The following TMEM236 variants were observed in gnomAD, a reference collection of about 807,000 sequenced individuals.
TMEM236 encodes the protein family with sequence similarity 23, member A.
Under a neutral mutation model 14.7 loss-of-function variants are expected in TMEM236, and 11 were observed. The ratio of observed to expected loss-of-function variants is 0.75; its 90% CI spans 0.47 to 1.24. TMEM236 has a LOEUF of 1.24. Among genes scored for constraint, TMEM236 ranks in the 50% most tolerant of loss-of-function variants. The probability of loss-of-function intolerance (pLI) is 0.00; values close to 1 mark genes in which losing one functional copy is unlikely to be tolerated. For missense variants in TMEM236, 464 were observed against 427.3 expected (o/e 1.09, Z -0.76); for synonymous variants, 182 against 168.6 (o/e 1.08, Z -0.62).
At chr10:17,760,956 G>C (rs1837352739) in intron 1 of TMEM236, among the ~76,000 whole-genome samples, 1 of 152,178 alleles carries the variant, frequency 6.6e-6, no homozygotes, top group South Asian at 2.1e-4. Flanking sequence ...TGGGAATTCT[G>C]GGAGCTACAA....
intron 1 of TMEM236, among the ~76,000 whole-genome samples, chr10:17,768,351 A>AT (rs1837509136): frequency 6.6e-6 from 1 of 152,172 alleles, no homozygotes; most frequent in Non-Finnish European, 1.5e-5. Flanking sequence ...AAGAATTTGG[A>AT]TTACTACATA....
chr10:17,782,519 C>T (rs1837769301), intron 3 of TMEM236, among the ~76,000 whole-genome samples: 1 of 152,122 alleles, frequency 6.6e-6, no homozygotes. Flanking sequence ...GTGGCATGAT[C>T]TCTGCTCACT....
intron 2 of TMEM236, 79 bp downstream of exon 2, chr10:17,771,460 G>A (rs1041742129): frequency 9.7e-5 from 135 of 1,394,890 alleles, no homozygotes; most frequent in Non-Finnish European, 1.2e-4. Context: ...ATAGAGCAGC[G>A]TGCTCAACAA....
At chr10:17,758,150 T>C (rs1258672366) in intron 1 of TMEM236, among the ~76,000 whole-genome samples, 1 of 152,192 alleles carries the variant, frequency 6.6e-6, no homozygotes, top group Non-Finnish European at 1.5e-5. Context: ...GGGTAATATA[T>C]AGGGTGTCAT....
rs1270838669 is a variant in TMEM236, at chr10:17,799,684, A to G, written c.*3180A>G. On this transcript the variant is annotated 3_prime_UTR_variant, in exon 4 of 4. Coordinates refer to ENST00000377495, the MANE Select transcript of TMEM236 (RefSeq NM_001098844.3). ...TGTCATCAAGGGATTCATTTATGATATTCCTAAATATGAAAATATTTTGTG... is the reference window on the plus strand; with the variant it reads ...TGTCATCAAGGGATTCATTTATGATGTTCCTAAATATGAAAATATTTTGTG... The G allele has an allele frequency of 3.9e-5, 6 of 152,746 alleles. No homozygotes were observed. In the East Asian group the frequency reaches 9.6e-4, roughly 25 times the overall value. 9.5% of individuals were successfully genotyped at this position (152,746 alleles called of 1,614,324 possible).
chr10:17,784,158 C>G (rs1364318083), intron 3 of TMEM236, among the ~76,000 whole-genome samples: 1 of 152,044 alleles, frequency 6.6e-6, no homozygotes, highest in Non-Finnish European at 1.5e-5. Flanking sequence ...TTTTTCACTA[C>G]AAGTAAAAAT....
At position 17,795,722 on chromosome 10, in the gene TMEM236, G is replaced by T. The variant is rs979859850; in HGVS notation, c.473-199G>T. ...TTGACAGGTGCAGCACGCCACCATGGCACACATTTGCCTATGTAACAAACC... is the reference window on the plus strand; with the variant it reads ...TTGACAGGTGCAGCACGCCACCATGTCACACATTTGCCTATGTAACAAACC... On this transcript the variant is annotated intron_variant, in intron 3 of 3. Transcript: ENST00000377495. 2.5e-3 allele frequency among the ~76,000 whole-genome samples: 376 copies of T among 152,226 alleles called. 1 individual carries two copies. The highest frequency in any genetic ancestry group is 8.7e-3 in the African/African-American group (360 of 41,530).
chr10:17,753,037 C>G (rs1046978304), intron 1 of TMEM236, among the ~76,000 whole-genome samples: 1 of 151,818 alleles, frequency 6.6e-6, no homozygotes, highest in African/African-American at 2.4e-5. Context: ...ATTATTTCAC[C>G]GGCATGCACC....
chr10:17,800,631 A>G lies in TMEM236; in HGVS notation c.*4127A>G, dbSNP rs1485169208. On this transcript the variant is annotated 3_prime_UTR_variant, in exon 4 of 4. Coordinates refer to ENST00000377495, the MANE Select transcript of TMEM236 (RefSeq NM_001098844.3). ...GTTCTGGGCACTATGCTGTTTGCCT[A>G]ATACATAATTGCCTTGTGCTGTGTA... 1 of 152,190 alleles carries G rather than the reference A, an allele frequency of 6.6e-6. No individual in the cohort carries two copies. Among genetic ancestry groups the G allele is most frequent in the Non-Finnish European group, 1.5e-5 (1 of 68,038 alleles). The allele number at this position is 152,190 out of a possible 1,614,324, so 9.4% of individuals were successfully genotyped here. A position where few individuals can be genotyped will look rare whatever the true frequency, so the allele number is the denominator to read the frequency against.
At chr10:17,780,327 A>C (rs2131756450) in intron 3 of TMEM236, among the ~76,000 whole-genome samples, 1 of 152,196 alleles carries the variant, frequency 6.6e-6, no homozygotes, top group African/African-American at 2.4e-5. Context: ...CTTAACCCCC[A>C]TCAAAACCAG....
intron 2 of TMEM236, among the ~76,000 whole-genome samples, chr10:17,772,391 T>C (rs1837587066): frequency 6.6e-6 from 1 of 152,208 alleles, no homozygotes; most frequent in African/African-American, 2.4e-5. Flanking sequence ...CAACAGGGAA[T>C]ATTTCAATCT....
intron 3 of TMEM236, among the ~76,000 whole-genome samples, chr10:17,792,837 A>C (rs1007343493): frequency 6.6e-6 from 1 of 152,226 alleles, no homozygotes; most frequent in Non-Finnish European, 1.5e-5. Context: ...ACTAACAACA[A>C]TGGGAAAAAG....
chr10:17,766,706 A>T (rs1006119434), intron 1 of TMEM236, among the ~76,000 whole-genome samples: 1 of 152,246 alleles, frequency 6.6e-6, no homozygotes, highest in Non-Finnish European at 1.5e-5. Context: ...GAAATGCGAC[A>T]ACAAAGTACC....
intron 3 of TMEM236, among the ~76,000 whole-genome samples, chr10:17,795,460 C>G (rs1401756803): frequency 2.0e-5 from 3 of 152,024 alleles, no homozygotes; most frequent in African/African-American, 4.8e-5. Context: ...AAGCGTATAG[C>G]TTAGAAACCA....
chr10:17,788,707 A>C (rs1476669290), intron 3 of TMEM236, among the ~76,000 whole-genome samples: 4 of 152,202 alleles, frequency 2.6e-5, no homozygotes, highest in African/African-American at 7.2e-5. Context: ...GAAATGATAC[A>C]TTTATTTATT....
In TMEM236 at chr10:17,796,225, C is replaced by T. The variant is rs1001234857; in HGVS notation, c.777C>T (p.Asn259=). Residue 259 remains asparagine, a synonymous_variant, in exon 4 of 4, where the codon AAC becomes AAT. Transcript: ENST00000377495. ...IEMVRVAGHP[N]VYKSSWLYPV... is the part of the protein sequence containing the mutation. ...TGGTGCGTGTGGCTGGTCACCCCAA[C>T]GTGTACAAGTCAAGCTGGCTATACC... The T allele has an allele frequency of 4.2e-5, 68 of 1,613,822 alleles. 1 individual carries two copies. In the South Asian group the frequency reaches 5.7e-4, roughly 14 times the overall value.
chr10:17,777,354 C>G (rs1554835206), intron 3 of TMEM236, among the ~76,000 whole-genome samples: 1 of 152,174 alleles, frequency 6.6e-6, no homozygotes, highest in East Asian at 1.9e-4. Context: ...GTCACATCTG[C>G]CCTCCAGAGT....
At chr10:17,764,310 C>T (rs1422178490) in intron 1 of TMEM236, among the ~76,000 whole-genome samples, 8 of 152,034 alleles carry the variant, frequency 5.3e-5, no homozygotes, top group Non-Finnish European at 1.2e-4. Context: ...CTAGGAGGGT[C>T]CCTCTCATTG....
In TMEM236 at chr10:17,796,665, T is replaced by C. The variant is rs1838020772; in HGVS notation, c.*161T>C. On this transcript the variant is annotated 3_prime_UTR_variant, in exon 4 of 4. Transcript: ENST00000377495. ...ACTCTAGCATATCAGTTTTTTTTTT[T>C]ACATATACAAATGGTGCTAAATTTA... is the stretch of plus-strand genomic sequence containing the variant. The C allele has an allele frequency of 1.6e-6, 1 of 642,088 alleles. No homozygotes were observed. The highest frequency in any genetic ancestry group is 2.7e-5 in the East Asian group (1 of 36,614). The allele number at this position is 642,088 out of a possible 1,614,324, so 39.8% of individuals were successfully genotyped here. A position where few individuals can be genotyped will look rare whatever the true frequency, so the allele number is the denominator to read the frequency against.
Sources: gnomAD v4.1 joint callset for allele counts (sites outside exome capture counted in the v4.1 genomes callset) on GRCh38, gnomAD v4.1.1 for gene constraint, MANE v1.5 for transcripts, NCBI Gene and HGNC (gene_info 2026-07-23, HGNC 2026-07-21) for gene names.